The following TUFM variants were observed in gnomAD, a reference collection of about 807,000 sequenced individuals.
TUFM encodes elongation factor Tu, mitochondrial.
In TUFM, 23 loss-of-function variants were observed where a neutral mutation model predicts 45.0. The ratio of observed to expected loss-of-function variants is 0.51; its 90% CI spans 0.37 to 0.72. The LOEUF (loss-of-function observed/expected upper bound fraction) is 0.72. TUFM is among the 30% of genes least tolerant of loss of function. The pLI is 0.00. For missense variants in TUFM, 490 were observed against 610.7 expected (o/e 0.80, Z 2.08); for synonymous variants, 243 against 252.9 (o/e 0.96, Z 0.37).
chr16:28,845,561 C>A, intron 2 of TUFM, 81 bp from the exon 3 acceptor site: 1 of 1,517,466 alleles, frequency 6.6e-7, no homozygotes, highest in South Asian at 1.1e-5. Flanking sequence ...TGAACCCTCC[C>A]ACCTAAATAC....
chr16:28,845,177 T>C, intron 3 of TUFM, 122 bp from the exon 4 acceptor site: 1 of 1,553,330 alleles, frequency 6.4e-7, no homozygotes, highest in Non-Finnish European at 8.9e-7. Context: ...TCACCACCCA[T>C]TCTGCGTGGC....
Position 28,843,242 on chromosome 16 carries a change from G to C in TUFM, c.1195-94C>G. 3.8e-6 allele frequency: 5 copies of C among 1,325,546 alleles called. No homozygotes were observed. The South Asian group carries it at 6.1e-5, about 16-fold the overall frequency. The allele number at this position is 1,325,546 out of a possible 1,614,324, so 82.1% of individuals were successfully genotyped here. A position where few individuals can be genotyped will look rare whatever the true frequency, so the allele number is the denominator to read the frequency against. Reference sequence around the variant, plus strand: ...ACCTCGGAGGTTAAGAGTCATGGGAGAATGCAGCAGGGGAATGGTTCTGCC... The same window carrying C: ...ACCTCGGAGGTTAAGAGTCATGGGACAATGCAGCAGGGGAATGGTTCTGCC... On this transcript the variant is annotated intron_variant, in intron 9 of 9. Coordinates refer to ENST00000313511, the MANE Select transcript of TUFM (RefSeq NM_003321.5).
rs1211628611 is a variant in TUFM at position 28,844,637 on chromosome 16, C to T, written c.684+61G>A. Reference sequence around the variant, plus strand: ...GCCACTTCCCAGACACAAAGCAGAGCTCTGGGTGCCCATCCAGCCCCACCC... The same window carrying T: ...GCCACTTCCCAGACACAAAGCAGAGTTCTGGGTGCCCATCCAGCCCCACCC... On this transcript the variant is annotated intron_variant, in intron 5 of 9. Transcript: ENST00000313511. The surrounding 1 kb of genome is among the most constrained non-coding windows in gnomAD (Gnocchi z 5.8). 2 of 1,613,748 alleles carry T rather than the reference C, an allele frequency of 1.2e-6. No homozygotes were observed. Among genetic ancestry groups the T allele is most frequent in the Non-Finnish European group, 1.7e-6 (2 of 1,179,984 alleles).
Position 28,846,249 on chromosome 16 carries a change from G to A in TUFM, c.21C>T (p.Ala7=), listed in dbSNP as rs772725753. The A allele has an allele frequency of 6.4e-6, 10 of 1,565,286 alleles. No individual in the cohort carries two copies. The African/African-American group carries it at 1.1e-4, about 17-fold the overall frequency. ...AGTGGGGCGTCGCGCGCAGCAGGGTGGCGGCCGCCATTGTGGTCATACTCG... is the reference window on the plus strand; with the variant it reads ...AGTGGGGCGTCGCGCGCAGCAGGGTAGCGGCCGCCATTGTGGTCATACTCG... MTTMAA[A]TLLRATPHFS... is the part of the protein sequence containing the mutation. Residue 7 remains alanine (A), a synonymous_variant, in exon 1 of 10, where the codon GCC becomes GCT. Transcript: ENST00000313511.
intron 9 of TUFM, 106 bp from the exon 10 acceptor site, chr16:28,843,254 G>C (rs1284574051): frequency 8.3e-7 from 1 of 1,210,830 alleles, no homozygotes; most frequent in Admixed American, 1.9e-5. Flanking sequence ...ATGCAGCAGG[G>C]GAATGGTTCT....
intron 9 of TUFM, 107 bp from the exon 10 acceptor site, chr16:28,843,255 G>T (rs940361710): frequency 4.2e-6 from 5 of 1,185,540 alleles, no homozygotes; most frequent in African/African-American, 3.0e-5. Context: ...TGCAGCAGGG[G>T]AATGGTTCTG....
At position 28,844,141 on chromosome 16, in the gene TUFM, G is replaced by A. The variant is rs374622647; in HGVS notation, c.923-40C>T. 24 of 1,613,884 alleles carry A rather than the reference G, an allele frequency of 1.5e-5. No homozygotes were observed. The highest frequency in any genetic ancestry group is 4.0e-5 in the African/African-American group (3 of 74,934). ...GAAAAGGAGCAGGGAGAAGGAAGGCGAATGTGAGACAGAGGGAAGGCACAA... is the reference window on the plus strand; with the variant it reads ...GAAAAGGAGCAGGGAGAAGGAAGGCAAATGTGAGACAGAGGGAAGGCACAA... On this transcript the variant is annotated intron_variant, in intron 7 of 9. Coordinates refer to ENST00000313511, the MANE Select transcript of TUFM (RefSeq NM_003321.5). The surrounding 1 kb of genome is among the most constrained non-coding windows in gnomAD (Gnocchi z 5.8).
Position 28,842,752 on chromosome 16 carries a change from C to G in TUFM, c.*223G>C. ...AACACCCTTTTTGTCCTCCCCTATC[C>G]TCTCCAATTTGCACAAAGGACACAG... On this transcript the variant is annotated 3_prime_UTR_variant, in exon 10 of 10. Transcript: ENST00000313511. The G allele has an allele frequency of 1.6e-6, 1 of 620,330 alleles. No homozygotes were observed. Among genetic ancestry groups the G allele is most frequent in the Non-Finnish European group, 2.9e-6 (1 of 345,290 alleles). 38.4% of individuals were successfully genotyped at this position (620,330 alleles called of 1,614,324 possible).
chr16:28,845,079 C>T lies in TUFM; in HGVS notation c.415-24G>A, dbSNP rs911988333. Reference sequence around the variant, plus strand: ...TTCTGGAGAGGAGAAGGAAAGGAAACAGCCAAGTTCAACGAGCTCTTCAGT... The same window carrying T: ...TTCTGGAGAGGAGAAGGAAAGGAAATAGCCAAGTTCAACGAGCTCTTCAGT... On this transcript the variant is annotated intron_variant, in intron 3 of 9. Coordinates refer to ENST00000313511, the MANE Select transcript of TUFM (RefSeq NM_003321.5). The T allele has an allele frequency of 2.5e-6, 4 of 1,612,194 alleles. No individual in the cohort carries two copies. The African/African-American group carries it at 4.0e-5, about 16-fold the overall frequency.
At position 28,844,670 on chromosome 16, in the gene TUFM, C is replaced by G. The variant is rs370029592; in HGVS notation, c.684+28G>C. The G allele has an allele frequency of 9.9e-6, 16 of 1,614,174 alleles. No individual in the cohort carries two copies. In the African/African-American group the frequency reaches 1.9e-4, roughly 19 times the overall value. On this transcript the variant is annotated intron_variant, in intron 5 of 9. Transcript: ENST00000313511. This position sits in a 1 kb window ranked among gnomAD's most constrained non-coding sequence, Gnocchi z 5.8. The stretch of plus-strand genomic sequence containing the variant: ...GCCCATCCAGCCCCACCCTCTGCAG[C>G]AGCTGCCCTGCCTGACCCCGCGTTC...
chr16:28,843,655 G>C, intron 9 of TUFM, 81 bp downstream of exon 9: 2 of 1,591,478 alleles, frequency 1.3e-6, no homozygotes, highest in African/African-American at 2.7e-5. Flanking sequence ...GGTTGTCACA[G>C]TGTATCTTTG....
Position 28,845,982 on chromosome 16 carries a change from T to G in TUFM, c.177A>C (p.Pro59=). ...EAKKTYVRDK[P]HVNVGTIGHV... ...GGCCGATGGTACCCACATTCACATG[T>G]GGCTTGTCGCGCACGTAAGTCTTCT... Residue 59 remains proline (P), a synonymous_variant, in exon 2 of 10, where the codon CCA becomes CCC. Transcript: ENST00000313511. The G allele has an allele frequency of 1.2e-6, 2 of 1,613,984 alleles. No individual in the cohort carries two copies. Among genetic ancestry groups the G allele is most frequent in the Non-Finnish European group, 1.7e-6 (2 of 1,179,966 alleles).
At position 28,844,331 on chromosome 16, in the gene TUFM, C is replaced by T. The variant is rs1219747999; in HGVS notation, c.821G>A (p.Arg274His). ...TAGTGTACCTGTCACCACGGTGCCA[C>T]GGCCTGGGAGGGAATAAGACAGGAT... ...PVEAVYSVPG[R>H]GTVVTGTLER... is the part of the protein sequence containing the mutation. Residue 274 changes from arginine (R) to histidine (H), a missense_variant, in exon 7 of 10, where the codon CGT (arginine) becomes CAT (histidine). By Grantham distance (29) the Arg-to-His change is conservative (BLOSUM62 0). Transcript: ENST00000313511. This position sits in a 1 kb window ranked among gnomAD's most constrained non-coding sequence, Gnocchi z 5.8. The T allele has an allele frequency of 1.9e-6, 3 of 1,614,032 alleles. No individual in the cohort carries two copies. Among genetic ancestry groups the T allele is most frequent in the Non-Finnish European group, 2.5e-6 (3 of 1,180,034 alleles).
At chr16:28,845,590 T>G in intron 2 of TUFM, 110 bp from the exon 3 acceptor site, 105 of 1,313,986 alleles carry the variant, frequency 8.0e-5, no homozygotes, top group Non-Finnish European at 1.0e-4. Flanking sequence ...CTCCAATCTC[T>G]AACTCTTCCA....
In TUFM at chr16:28,845,307, C is replaced by A. The variant is rs1357412356; in HGVS notation, c.414+7G>T. The A allele has an allele frequency of 6.2e-7, 1 of 1,614,132 alleles. No individual in the cohort carries two copies. The highest frequency in any genetic ancestry group is 1.7e-5 in the Admixed American group (1 of 60,024). ...GGCCCTGTCTCCAGTGTCCCAGCAA[C>A]CCTCACCTTAACATAATCTGCATGA... On this transcript the variant is annotated splice_region_variant and intron_variant, in intron 3 of 9. Coordinates refer to ENST00000313511, the MANE Select transcript of TUFM (RefSeq NM_003321.5).
Position 28,844,019 on chromosome 16 carries a change from C to G in TUFM, c.1005G>C (p.Glu335Asp), listed in dbSNP as rs1044317582. The change falls in exon 8 of 10, where the codon GAG (glutamate) becomes GAC (aspartate). Residue 335 changes from glutamate (E) to aspartate (D), a missense_variant. Transcript: ENST00000313511. This position sits in a 1 kb window ranked among gnomAD's most constrained non-coding sequence, Gnocchi z 5.8. ...LGALVRGLKR[E>D]DLRRGLVMVK... The stretch of plus-strand genomic sequence containing the variant: ...CCATGACCAGGCCCCGCCGCAAGTC[C>G]TCCCGCTTCAAGCCTCGGACCAGGG... 8 of 1,614,092 alleles carry G rather than the reference C, an allele frequency of 5.0e-6. No homozygotes were observed. The highest frequency in any genetic ancestry group is 6.8e-6 in the Non-Finnish European group (8 of 1,180,042).
Position 28,844,006 on chromosome 16 carries a change from C to T in TUFM, c.1018G>A (p.Gly340Ser), listed in dbSNP as rs1341977800. 1 of 1,614,086 alleles carries T rather than the reference C, an allele frequency of 6.2e-7. No individual in the cohort carries two copies. The highest frequency in any genetic ancestry group is 1.7e-5 in the Admixed American group (1 of 60,012). ...GAACCTGGCTTGACCATGACCAGGCCCCGCCGCAAGTCCTCCCGCTTCAAG... is the reference window on the plus strand; with the variant it reads ...GAACCTGGCTTGACCATGACCAGGCTCCGCCGCAAGTCCTCCCGCTTCAAG... ...RGLKREDLRR[G>S]LVMVKPGSIK... is the part of the protein sequence containing the mutation. Residue 340 changes from glycine (G) to serine (S), a missense_variant, in exon 8 of 10, where the codon GGC becomes AGC. By Grantham distance (56) the Gly-to-Ser change is moderately conservative. Coordinates refer to ENST00000313511, the MANE Select transcript of TUFM (RefSeq NM_003321.5). This position sits in a 1 kb window ranked among gnomAD's most constrained non-coding sequence, Gnocchi z 5.8.
At chr16:28,845,545 C>A in intron 2 of TUFM, 65 bp from the exon 3 acceptor site, 1 of 1,592,528 alleles carries the variant, frequency 6.3e-7, no homozygotes, top group South Asian at 1.1e-5. Flanking sequence ...GCTTAGACCA[C>A]GCCCCTGAAC....
rs757189833 is a variant in TUFM at position 28,846,007 on chromosome 16, T to C, written c.152A>G (p.Lys51Arg). ...TGGCTTGTCGCGCACGTAAGTCTTCTTGGCCTCCACGGCCAGGCCGCGGCA... is the reference window on the plus strand; with the variant it reads ...TGGCTTGTCGCGCACGTAAGTCTTCCTGGCCTCCACGGCCAGGCCGCGGCA... ...LLCRGLAVEA[K>R]KTYVRDKPHV... Residue 51 changes from lysine (K) to arginine (R), a missense_variant, in exon 2 of 10, where the codon AAG becomes AGG. Lys to Arg is a conservative substitution (Grantham distance 26, BLOSUM62 2). Coordinates refer to ENST00000313511, the MANE Select transcript of TUFM (RefSeq NM_003321.5). 6.2e-6 allele frequency: 10 copies of C among 1,613,840 alleles called. No homozygotes were observed. The highest frequency in any genetic ancestry group is 4.0e-5 in the African/African-American group (3 of 74,912).
Sources: allele counts gnomAD v4.1 joint callset, GRCh38; gene constraint gnomAD v4.1.1; non-coding constraint Gnocchi (gnomAD v3.1); transcripts MANE v1.5; gene names NCBI Gene and HGNC (gene_info 2026-07-23, HGNC 2026-07-21).